The following SHCBP1 variants were observed in gnomAD, a reference collection of about 807,000 sequenced individuals.
SHCBP1 encodes SHC binding and spindle associated 1.
In SHCBP1, 60 loss-of-function variants were observed where a neutral mutation model predicts 75.1. The observed-to-expected ratio is 0.80, with a 90% CI of 0.65 to 0.99. The LOEUF is 0.99. Among genes scored for constraint, SHCBP1 ranks in the 50% least tolerant of loss-of-function variants. The pLI is 0.00. For synonymous variants in SHCBP1, 290 were observed against 293.2 expected, an observed-to-expected ratio of 0.99 and a Z score of 0.11; for missense variants, 709 against 809.4, an observed-to-expected ratio of 0.88 and a Z score of 1.50.
At position 46,592,951 on chromosome 16, in the gene SHCBP1, C is replaced by CAAAAAAAAAAAAAAAAAAAA; in HGVS notation, c.1464+2581_1464+2600dup. Among the ~76,000 whole-genome samples, 13 of 22,778 alleles carry CAAAAAAAAAAAAAAAAAAAA rather than the reference C, an allele frequency of 5.7e-4. 1 individual carries two copies. Among genetic ancestry groups the CAAAAAAAAAAAAAAAAAAAA allele is most frequent in the East Asian group, 2.6e-3 (1 of 390 alleles). 14.9% of individuals were successfully genotyped at this position (22,778 alleles called of 152,430 possible). ...AACATCCACTTATGATAAAAATTCT[C>CAAAAAAAAAAAAAAAAAAAA]AAAAAAAAAAAAAAAAAAAAAAAAA... On this transcript the variant is annotated intron_variant, in intron 10 of 12. Coordinates refer to ENST00000303383, the MANE Select transcript of SHCBP1 (RefSeq NM_024745.5).
chr16:46,592,951 CA>C, intron 10 of SHCBP1, among the ~76,000 whole-genome samples: 116 of 22,782 alleles, frequency 5.1e-3, no homozygotes, highest in African/African-American at 0.011. Flanking sequence ...TAAAAATTCT[CA>C]AAAAAAAAAA....
At position 46,583,677 on chromosome 16, in the gene SHCBP1, T is replaced by C. The variant is rs1426405732; in HGVS notation, c.1552-20A>G. ...GAAGTCCTGTGACATTGAAAACAAATGTTTTAGGAACTGTCATATTCAACA... is the reference window on the plus strand; with the variant it reads ...GAAGTCCTGTGACATTGAAAACAAACGTTTTAGGAACTGTCATATTCAACA... On this transcript the variant is annotated intron_variant, in intron 11 of 12. Coordinates refer to ENST00000303383, the MANE Select transcript of SHCBP1 (RefSeq NM_024745.5). 6.3e-7 allele frequency: 1 copy of C among 1,593,994 alleles called. No homozygotes were observed. The highest frequency in any genetic ancestry group is 8.5e-7 in the Non-Finnish European group (1 of 1,175,608).
At position 46,621,336 on chromosome 16, in the gene SHCBP1, G is replaced by C; in HGVS notation, c.24C>G (p.Gly8=). 1.2e-6 allele frequency: 2 copies of C among 1,611,254 alleles called. No individual in the cohort carries two copies. Among genetic ancestry groups the C allele is most frequent in the Non-Finnish European group, 1.7e-6 (2 of 1,179,130 alleles). Residue 8 remains glycine, a synonymous_variant, in exon 1 of 13, where the codon GGC becomes GGG. Transcript: ENST00000303383. MADGSLT[G]GGLEAAAMAP... ...CCATGGCCGCTGCCTCCAGACCGCC[G>C]CCCGTCAGCGACCCGTCAGCCATTT...
chr16:46,619,009 A>T (rs1234587131), intron 1 of SHCBP1, among the ~76,000 whole-genome samples: 1 of 152,180 alleles, frequency 6.6e-6, no homozygotes, highest in Non-Finnish European at 1.5e-5. Flanking sequence ...ATTTCCTACA[A>T]TATCAGTCTG....
rs1317131345 is a variant in SHCBP1 at position 46,579,764 on chromosome 16, GTC to G, written c.*1963_*1964del. 7.2e-5 allele frequency among the ~76,000 whole-genome samples: 11 copies of G among 151,956 alleles called. No individual in the cohort carries two copies. Among genetic ancestry groups the G allele is most frequent in the African/African-American group, 2.7e-4 (11 of 41,384 alleles). ...AGCCTGGCCAACATGGTTAAACCCT[GTC>G]TCTACTAAAAATACAAAAATTAGCC... On this transcript the variant is annotated 3_prime_UTR_variant, in exon 13 of 13. Coordinates refer to ENST00000303383, the MANE Select transcript of SHCBP1 (RefSeq NM_024745.5).
chr16:46,581,777 G>C lies in SHCBP1; in HGVS notation c.1971C>G (p.Asn657Lys). Residue 657 changes from asparagine to lysine, a missense_variant, in exon 13 of 13, where the codon AAC becomes AAG. Asn to Lys is a moderately conservative substitution (Grantham distance 94). Transcript: ENST00000303383. Reference sequence around the variant, plus strand: ...TACCTTTCCCATTCCACTTGAACTGGTTCCCCACAATCCCAACAAACATCT... The same window carrying C: ...TACCTTTCCCATTCCACTTGAACTGCTTCCCCACAATCCCAACAAACATCT... ...SQEMFVGIVG[N>K]QFKWNGKGSF... The C allele has an allele frequency of 6.2e-7, 1 of 1,614,114 alleles. No individual in the cohort carries two copies. The highest frequency in any genetic ancestry group is 1.1e-5 in the South Asian group (1 of 91,078).
At chr16:46,594,192 G>A (rs1965098043) in intron 10 of SHCBP1, among the ~76,000 whole-genome samples, 1 of 152,074 alleles carries the variant, frequency 6.6e-6, no homozygotes, top group Non-Finnish European at 1.5e-5. Flanking sequence ...CTATGGCTAG[G>A]CAGAGTTCTT....
chr16:46,621,374 GA>G lies in SHCBP1; in HGVS notation c.-16del. 1.2e-6 allele frequency: 2 copies of G among 1,610,004 alleles called. No individual in the cohort carries two copies. The stretch of plus-strand genomic sequence containing the variant: ...CCGTCAGCCATTTCAAATTTCCGCG[GA>G]CGGCAGCCCAGGCAACGACGTGATG... On this transcript the variant is annotated 5_prime_UTR_variant, in exon 1 of 13. Transcript: ENST00000303383.
In SHCBP1 at chr16:46,599,963, C is replaced by G; in HGVS notation, c.1214-1G>C. 6.2e-7 allele frequency: 1 copy of G among 1,612,696 alleles called. No homozygotes were observed. Among genetic ancestry groups the G allele is most frequent in the Non-Finnish European group, 8.5e-7 (1 of 1,179,564 alleles). On this transcript the variant is annotated splice_acceptor_variant, in intron 8 of 12. Coordinates refer to ENST00000303383, the MANE Select transcript of SHCBP1 (RefSeq NM_024745.5). LOFTEE classifies it high-confidence loss of function. Reference sequence around the variant, plus strand: ...ACAATGTCATCTGGTAGGCCATATCCTAAGGAAGAGAGAGCAACAACACTC... The same window carrying G: ...ACAATGTCATCTGGTAGGCCATATCGTAAGGAAGAGAGAGCAACAACACTC...
chr16:46,604,265 T>G lies in SHCBP1; in HGVS notation c.886A>C (p.Lys296Gln), dbSNP rs1199996970. The change falls in exon 6 of 13, where the codon AAA becomes CAA. Residue 296 changes from lysine (K) to glutamine (Q), a missense_variant. Lys to Gln is a moderately conservative substitution (Grantham distance 53). Transcript: ENST00000303383. ...LKLYSEMEQLKQKLKLIENPL... is the reference protein window; with the variant it reads ...LKLYSEMEQLQQKLKLIENPL... ...TTCTCAATGAGTTTCAGCTTTTGTTTCAACTGTTCCATCTCCGAATACAAT... is the reference window on the plus strand; with the variant it reads ...TTCTCAATGAGTTTCAGCTTTTGTTGCAACTGTTCCATCTCCGAATACAAT... 2.5e-6 allele frequency: 4 copies of G among 1,614,142 alleles called. No individual in the cohort carries two copies. In the African/African-American group the frequency reaches 4.0e-5, roughly 16 times the overall value.
Position 46,581,949 on chromosome 16 carries a change from G to A in SHCBP1, c.1799C>T (p.Ala600Val), listed in dbSNP as rs1454179094. Residue 600 changes from alanine to valine, a missense_variant, in exon 13 of 13, where the codon GCA (alanine) becomes GTA (valine). Ala to Val is a moderately conservative substitution (Grantham distance 64, BLOSUM62 0). Transcript: ENST00000303383. ...ECATGKMELC[A>V]RTDPSEQVEG... ...GACTTGCTCAGAAGGGTCAGTTCTT[G>A]CACAAAGCTCCATTTTACCAGTTGC... 2 of 1,613,970 alleles carry A rather than the reference G, an allele frequency of 1.2e-6. No homozygotes were observed. The highest frequency in any genetic ancestry group is 1.6e-4 in the Middle Eastern group (1 of 6,084).
intron 10 of SHCBP1, among the ~76,000 whole-genome samples, chr16:46,589,371 A>G (rs1965003314): frequency 6.6e-6 from 1 of 152,218 alleles, no homozygotes; most frequent in African/African-American, 2.4e-5. Flanking sequence ...TTAGGAAAAG[A>G]GGAAGTCAAA....
chr16:46,585,132 T>A (rs556665524), intron 10 of SHCBP1, among the ~76,000 whole-genome samples: 2 of 152,212 alleles, frequency 1.3e-5, no homozygotes, highest in East Asian at 3.9e-4. Flanking sequence ...ATGGTTAAAA[T>A]TAAATATCAA....
At chr16:46,584,248 T>C in intron 10 of SHCBP1, 159 bp from the exon 11 acceptor site, 1 of 476,234 alleles carries the variant, frequency 2.1e-6, no homozygotes, top group Non-Finnish European at 3.7e-6. Context: ...TAATCAACAT[T>C]TCCATTTGTT....
At chr16:46,604,654 C>T (rs1443038753) in intron 5 of SHCBP1, among the ~76,000 whole-genome samples, 193 bp from the exon 6 acceptor site, 1 of 152,188 alleles carries the variant, frequency 6.6e-6, no homozygotes, top group Non-Finnish European at 1.5e-5. Context: ...TAAAGCACCA[C>T]TTCCTTAAGG....
At position 46,599,893 on chromosome 16, in the gene SHCBP1, C is replaced by T. The variant is rs774564825; in HGVS notation, c.1283G>A (p.Gly428Asp). The part of the protein sequence containing the change: ...GKGDTFVDCT[G>D]ADIKISGIKF... ...TATGCCTGAGATTTTAATATCAGCA[C>T]CAGTGCAGTCCACAAAAGTGTCGCC... Residue 428 changes from glycine to aspartate, a missense_variant, in exon 9 of 13, where the codon GGT becomes GAT. Transcript: ENST00000303383. The T allele has an allele frequency of 7.4e-6, 12 of 1,613,308 alleles. No homozygotes were observed. Among genetic ancestry groups the T allele is most frequent in the African/African-American group, 2.7e-5 (2 of 74,840 alleles).
At chr16:46,595,242 T>C (rs1191683581) in intron 10 of SHCBP1, among the ~76,000 whole-genome samples, 2 of 152,184 alleles carry the variant, frequency 1.3e-5, no homozygotes, top group Admixed American at 6.5e-5. Flanking sequence ...TAGGGGACAC[T>C]GGTGAAGGGC....
At chr16:46,602,792 G>A (rs574209426) in intron 8 of SHCBP1, among the ~76,000 whole-genome samples, 3 of 152,104 alleles carry the variant, frequency 2.0e-5, no homozygotes, top group Admixed American at 1.3e-4. Context: ...CAACATGCCC[G>A]GCTAATTTTT....
Position 46,595,542 on chromosome 16 carries a change from G to C in SHCBP1, c.1464+10C>G, listed in dbSNP as rs1596675826. 1 of 1,604,004 alleles carries C rather than the reference G, an allele frequency of 6.2e-7. No individual in the cohort carries two copies. ...ACAAACTACTTCCCCAAGAGGACAA[G>C]AGCTTCTACCTTGGCGCCATATAAA... is the stretch of plus-strand genomic sequence containing the variant. On this transcript the variant is annotated intron_variant, in intron 10 of 12. Coordinates refer to ENST00000303383, the MANE Select transcript of SHCBP1 (RefSeq NM_024745.5).
Sources: gnomAD v4.1 joint callset for allele counts (sites outside exome capture counted in the v4.1 genomes callset) on GRCh38, gnomAD v4.1.1 for gene constraint, MANE v1.5 for transcripts, NCBI Gene and HGNC (gene_info 2026-07-23, HGNC 2026-07-21) for gene names.